Variants in SLC71A2 observed in about 807,000 individuals in gnomAD.
The protein encoded by SLC71A2 is hippocampus abundant transcript-like 1.
the SLC71A2 span, among the ~76,000 whole-genome samples, chr9:94,387,245 C>T: frequency 2.0e-5 from 3 of 152,250 alleles, no homozygotes; most frequent in African/African-American, 2.4e-5. Flanking sequence ...GTGCTTGCCA[C>T]GTCCCTTTCT....
At chr9:94,412,961 G>C in the SLC71A2 span, among the ~76,000 whole-genome samples, 2 of 150,964 alleles carry the variant, frequency 1.3e-5, no homozygotes, top group African/African-American at 2.4e-5. Context: ...CCGCTGACTT[G>C]TGTGCACTTG....
chr9:94,441,306 G>T, the SLC71A2 span, among the ~76,000 whole-genome samples: 1 of 152,168 alleles, frequency 6.6e-6, no homozygotes, highest in African/African-American at 2.4e-5. Flanking sequence ...TTCTGGGGAG[G>T]CCTCAGGGAG....
At chr9:94,378,831 G>A in the SLC71A2 span, among the ~76,000 whole-genome samples, 1 of 151,120 alleles carries the variant, frequency 6.6e-6, no homozygotes, top group East Asian at 1.9e-4. Flanking sequence ...TGGATAGTTT[G>A]GTTTTCTATT....
chr9:94,397,168 T>G, the SLC71A2 span, among the ~76,000 whole-genome samples: 1 of 152,230 alleles, frequency 6.6e-6, no homozygotes, highest in Non-Finnish European at 1.5e-5. Context: ...AATAAAACTT[T>G]TTTATAGAAT....
chr9:94,429,086 T>C, the SLC71A2 span: 3 of 1,485,302 alleles, frequency 2.0e-6, no homozygotes, highest in African/African-American at 4.3e-5. Flanking sequence ...TTTATAATTT[T>C]TCATTGCAGG....
At chr9:94,401,231 C>T in the SLC71A2 span, among the ~76,000 whole-genome samples, 11 of 152,044 alleles carry the variant, frequency 7.2e-5, no homozygotes, top group Admixed American at 6.6e-5. Flanking sequence ...AGTGCAGTGG[C>T]GCGATCTTGG....
chr9:94,450,857 T>C, the SLC71A2 span, among the ~76,000 whole-genome samples: 1 of 152,218 alleles, frequency 6.6e-6, no homozygotes, highest in Non-Finnish European at 1.5e-5. Context: ...TCGGAGATAC[T>C]GTTACGGTCA....
chr9:94,439,407 C>T, the SLC71A2 span, among the ~76,000 whole-genome samples: 7 of 151,770 alleles, frequency 4.6e-5, no homozygotes, highest in East Asian at 1.2e-3. Flanking sequence ...GCATGTGAGC[C>T]GTAACTTAGT....
chr9:94,440,471 A>G, the SLC71A2 span, among the ~76,000 whole-genome samples: 1 of 151,940 alleles, frequency 6.6e-6, no homozygotes, highest in Non-Finnish European at 1.5e-5. Flanking sequence ...ATATTTTTCT[A>G]TCCTGGAGTA....
chr9:94,448,707 G>A, the SLC71A2 span, among the ~76,000 whole-genome samples: 1 of 152,088 alleles, frequency 6.6e-6, no homozygotes, highest in East Asian at 1.9e-4. Flanking sequence ...ATCTTGGCTC[G>A]CTGCAGCCTC....
At chr9:94,387,058 GT>G in the SLC71A2 span, among the ~76,000 whole-genome samples, 4 of 152,044 alleles carry the variant, frequency 2.6e-5, no homozygotes, top group African/African-American at 9.6e-5. Context: ...ATACTCGGTG[GT>G]TTTCTACCTT....
At chr9:94,422,102 T>C in the SLC71A2 span, among the ~76,000 whole-genome samples, 1 of 152,204 alleles carries the variant, frequency 6.6e-6, no homozygotes, top group Non-Finnish European at 1.5e-5. Flanking sequence ...CAGACTGGTC[T>C]CAAACTCCTG....
At chr9:94,376,814 C>T in the SLC71A2 span, among the ~76,000 whole-genome samples, 1 of 33,838 alleles carries the variant, frequency 3.0e-5, no homozygotes, top group Middle Eastern at 7.0e-3. Context: ...CTAGTGTTGA[C>T]AGGAACTAGA....
chr9:94,397,192 CAG>C, the SLC71A2 span, among the ~76,000 whole-genome samples: 56 of 152,248 alleles, frequency 3.7e-4, no homozygotes, highest in Middle Eastern at 3.4e-3. Flanking sequence ...TTTATATCCA[CAG>C]AAAAATTGCA....
chr9:94,400,614 C>T, the SLC71A2 span, among the ~76,000 whole-genome samples: 39 of 150,340 alleles, frequency 2.6e-4, 1 homozygote, highest in Middle Eastern at 0.014. Flanking sequence ...ACTTGGATCA[C>T]TGCCTTTCCC....
the SLC71A2 span, among the ~76,000 whole-genome samples, chr9:94,382,627 T>C: frequency 6.6e-6 from 1 of 152,072 alleles, no homozygotes; most frequent in African/African-American, 2.4e-5. Flanking sequence ...AAGAAATTGT[T>C]GCCTAATCCC....
chr9:94,433,367 T>C, the SLC71A2 span: 2 of 145,502 alleles, frequency 1.4e-5, no homozygotes, highest in Non-Finnish European at 3.0e-5. Context: ...GAAGGACACA[T>C]TGCGTAAAAA....
chr9:94,425,975 T>A, the SLC71A2 span, among the ~76,000 whole-genome samples: 15 of 152,046 alleles, frequency 9.9e-5, no homozygotes, highest in Non-Finnish European at 1.0e-4. Flanking sequence ...TAGCCAGTTT[T>A]CCACCTGTAG....
At chr9:94,406,898 T>C in the SLC71A2 span, among the ~76,000 whole-genome samples, 1 of 152,220 alleles carries the variant, frequency 6.6e-6, no homozygotes, top group East Asian at 1.9e-4. Flanking sequence ...TTTCTTTCTT[T>C]TTCTTGCCGT....
Sources: gnomAD v4.1 joint callset for allele counts (sites outside exome capture counted in the v4.1 genomes callset) on GRCh38, gnomAD v4.1.1 for gene constraint, MANE v1.5 for transcripts, NCBI Gene and HGNC (gene_info 2026-07-23, HGNC 2026-07-21) for gene names.